The following NELL1 variants were observed in gnomAD, a reference collection of about 807,000 sequenced individuals.
NELL1 encodes protein kinase C-binding protein NELL1.
A neutral mutation model predicts 107.4 loss-of-function variants in NELL1; 76 were observed. The observed-to-expected ratio is 0.71, with a 90% CI of 0.59 to 0.86. The LOEUF (loss-of-function observed/expected upper bound fraction) is 0.86. Ranked by LOEUF, NELL1 falls within the 40% of genes least tolerant of loss-of-function variation. The pLI is 0.00. For synonymous variants in NELL1, 353 were observed against 341.2 expected, an observed-to-expected ratio of 1.03 and a Z score of -0.38; for missense variants, 1,024 against 1,005.5, an observed-to-expected ratio of 1.02 and a Z score of -0.25.
chr11:21,509,683 A>G (rs183664695), intron 15 of NELL1, among the ~76,000 whole-genome samples: 1 of 152,332 alleles, frequency 6.6e-6, no homozygotes, highest in Admixed American at 6.5e-5. Flanking sequence ...TGATAAAACT[A>G]CAGTCAAAAT....
chr11:21,200,439 C>T (rs1857243410), intron 13 of NELL1, among the ~76,000 whole-genome samples: 1 of 152,048 alleles, frequency 6.6e-6, no homozygotes, highest in Admixed American at 6.5e-5. Flanking sequence ...ACATAAATGT[C>T]TTCTTTTGAG....
intron 2 of NELL1, among the ~76,000 whole-genome samples, chr11:20,693,728 T>G (rs201508143): frequency 1.3e-5 from 2 of 152,004 alleles, no homozygotes; most frequent in African/African-American, 2.4e-5. Context: ...ATTTTTTCCT[T>G]CATTTCAACT....
At chr11:20,698,604 T>C (rs1426329847) in intron 2 of NELL1, among the ~76,000 whole-genome samples, 1 of 152,186 alleles carries the variant, frequency 6.6e-6, no homozygotes, top group Non-Finnish European at 1.5e-5. Context: ...AGGATTAATT[T>C]AGATAACTTA....
chr11:21,223,583 A>C (rs1857816386), intron 13 of NELL1, among the ~76,000 whole-genome samples: 2 of 152,166 alleles, frequency 1.3e-5, no homozygotes. Flanking sequence ...TTGATAGATG[A>C]GTACTTACTC....
chr11:21,291,488 T>C lies in NELL1; in HGVS notation c.1549+62034T>C, dbSNP rs558665819. Among the ~76,000 whole-genome samples the C allele has an allele frequency of 1.5e-3, 222 of 152,172 alleles. 1 individual carries two copies. Among genetic ancestry groups the C allele is most frequent in the African/African-American group, 5.1e-3 (210 of 41,526 alleles). The stretch of plus-strand genomic sequence containing the variant: ...ATAGATTCACAGCCCAGTTCTACCA[T>C]AGGGACAAAGAGGAGTTAGTACCAT... On this transcript the variant is annotated intron_variant, in intron 14 of 19. Transcript: ENST00000357134.
At chr11:21,292,090 A>G (rs1849277338) in intron 14 of NELL1, among the ~76,000 whole-genome samples, 1 of 152,198 alleles carries the variant, frequency 6.6e-6, no homozygotes. Context: ...ATGAGGCAAG[A>G]GAAAGAAATA....
intron 4 of NELL1, among the ~76,000 whole-genome samples, chr11:20,874,872 A>G (rs530962775): frequency 1.3e-5 from 2 of 152,346 alleles, no homozygotes; most frequent in South Asian, 4.1e-4. Context: ...ATGGTCTTCC[A>G]AATACTTGAA....
At chr11:21,021,846 T>A (rs1590550074) in intron 12 of NELL1, among the ~76,000 whole-genome samples, 2 of 152,266 alleles carry the variant, frequency 1.3e-5, no homozygotes, top group Middle Eastern at 6.8e-3. Flanking sequence ...TGAACTTGCG[T>A]CCTTGGCAGC....
chr11:21,040,023 A>G (rs1853190584), intron 12 of NELL1, among the ~76,000 whole-genome samples: 1 of 152,134 alleles, frequency 6.6e-6, no homozygotes, highest in Admixed American at 6.6e-5. Flanking sequence ...GAAAATACAG[A>G]TAAAATATAA....
At chr11:20,950,652 C>T (rs1192698827) in intron 11 of NELL1, among the ~76,000 whole-genome samples, 9 of 152,092 alleles carry the variant, frequency 5.9e-5, no homozygotes, top group African/African-American at 1.2e-4. Flanking sequence ...AATGAAAAGT[C>T]GAGAAACACT....
chr11:21,367,188 A>C (rs964238337), intron 14 of NELL1, among the ~76,000 whole-genome samples: 1 of 151,922 alleles, frequency 6.6e-6, no homozygotes, highest in African/African-American at 2.4e-5. Flanking sequence ...CAGTTGATCC[A>C]ATCTAACATC....
At chr11:21,146,683 C>T (rs2133779364) in intron 13 of NELL1, among the ~76,000 whole-genome samples, 1 of 152,246 alleles carries the variant, frequency 6.6e-6, no homozygotes, top group African/African-American at 2.4e-5. Flanking sequence ...TGGAGAACCA[C>T]CAGTTCCCAT....
intron 12 of NELL1, among the ~76,000 whole-genome samples, chr11:21,042,870 A>G (rs1230887018): frequency 6.6e-6 from 1 of 152,114 alleles, no homozygotes; most frequent in Non-Finnish European, 1.5e-5. Context: ...TATGATACAG[A>G]ATATGCTTTG....
intron 12 of NELL1, among the ~76,000 whole-genome samples, chr11:20,988,822 C>T (rs1482609696): frequency 6.6e-6 from 1 of 151,882 alleles, no homozygotes; most frequent in Non-Finnish European, 1.5e-5. Context: ...CTCCTGACCT[C>T]GTGATCCGCC....
intron 13 of NELL1, among the ~76,000 whole-genome samples, chr11:21,145,505 C>G (rs1038900019): frequency 1.3e-4 from 20 of 152,090 alleles, no homozygotes; most frequent in African/African-American, 4.8e-4. Flanking sequence ...TTTAAATTAA[C>G]CAGATATCAG....
chr11:21,401,956 A>G lies in NELL1; in HGVS notation c.1645+31008A>G, dbSNP rs184722558. ...GCTTGAACAGAGAATATTTTTAAAT[A>G]CAGTTTCCACCCCTCTCCTTTGATT... is the stretch of plus-strand genomic sequence containing the variant. On this transcript the variant is annotated intron_variant, in intron 15 of 19. Transcript: ENST00000357134. 2.2e-4 allele frequency among the ~76,000 whole-genome samples: 34 copies of G among 151,916 alleles called. 1 individual carries two copies. Among genetic ancestry groups the G allele is most frequent in the African/African-American group, 8.0e-4 (33 of 41,412 alleles).
intron 3 of NELL1, among the ~76,000 whole-genome samples, chr11:20,838,559 A>G (rs1848571491): frequency 6.6e-6 from 1 of 152,042 alleles, no homozygotes; most frequent in Non-Finnish European, 1.5e-5. Context: ...ATGGGACGCC[A>G]ACACTAGTTG....
At chr11:21,480,468 C>T (rs1487676489) in intron 15 of NELL1, among the ~76,000 whole-genome samples, 1 of 152,170 alleles carries the variant, frequency 6.6e-6, no homozygotes, top group Admixed American at 6.5e-5. Flanking sequence ...CAGATCCTTT[C>T]AGAAGTGAAG....
intron 15 of NELL1, among the ~76,000 whole-genome samples, chr11:21,461,439 C>A (rs562051654): frequency 1.3e-5 from 2 of 152,090 alleles, no homozygotes; most frequent in South Asian, 4.1e-4. Context: ...GGTCTTTCTC[C>A]CCTATAAAAA....
Sources: gnomAD v4.1 joint callset for allele counts (sites outside exome capture counted in the v4.1 genomes callset) on GRCh38, gnomAD v4.1.1 for gene constraint, MANE v1.5 for transcripts, NCBI Gene and HGNC (gene_info 2026-07-23, HGNC 2026-07-21) for gene names.